FKBP5: variants seen among roughly 807,000 people sequenced by gnomAD.
The protein encoded by FKBP5 is FKBP prolyl isomerase 5.
Under a neutral mutation model 50.5 loss-of-function variants are expected in FKBP5, and 23 were observed. The ratio of observed to expected loss-of-function variants is 0.46; its 90% CI spans 0.33 to 0.65. The LOEUF is 0.65. Among genes scored for constraint, FKBP5 ranks in the 30% least tolerant of loss-of-function variants. The probability of loss-of-function intolerance (pLI) is 0.02; values close to 1 mark genes in which losing one functional copy is unlikely to be tolerated. For missense variants in FKBP5, 411 were observed against 553.1 expected (o/e 0.74, Z 2.58); for synonymous variants, 176 against 190.6 (o/e 0.92, Z 0.63).
chr6:35,635,426 G>A (rs898650081), intron 3 of FKBP5, among the ~76,000 whole-genome samples: 2 of 152,128 alleles, frequency 1.3e-5, no homozygotes, highest in African/African-American at 2.4e-5. Flanking sequence ...GAGCCGGCCC[G>A]GGTGACAGAT....
At chr6:35,606,284 G>A (rs539182487) in intron 5 of FKBP5, among the ~76,000 whole-genome samples, 4 of 152,076 alleles carry the variant, frequency 2.6e-5, no homozygotes, top group East Asian at 1.9e-4. Flanking sequence ...AAAAAATGCC[G>A]AACATCACTA....
At chr6:35,593,005 ATAT>A (rs1208727714) in intron 6 of FKBP5, among the ~76,000 whole-genome samples, 1 of 152,302 alleles carries the variant, frequency 6.6e-6, no homozygotes, top group East Asian at 1.9e-4. Flanking sequence ...CTAAAGAAAA[ATAT>A]TATTTCTACA....
intron 9 of FKBP5, among the ~76,000 whole-genome samples, chr6:35,579,155 C>T (rs534848698): frequency 1.9e-4 from 28 of 148,490 alleles, no homozygotes; most frequent in African/African-American, 5.2e-4. Context: ...CACACGCGCG[C>T]GCGCACACAC....
At chr6:35,699,624 C>A (rs1032776150) in intron 2 of FKBP5, among the ~76,000 whole-genome samples, 1 of 152,208 alleles carries the variant, frequency 6.6e-6, no homozygotes, top group African/African-American at 2.4e-5. Context: ...AAGCCAAGTA[C>A]GAATGAGGCT....
At position 35,620,222 on chromosome 6, in the gene FKBP5, C is replaced by A. The variant is rs868830325; in HGVS notation, c.303G>T (p.Glu101Asp). The change falls in exon 4 of 11, where the codon GAG becomes GAT. Residue 101 changes from glutamate (E) to aspartate (D), a missense_variant. Around this residue, in one of 3 missense-constraint regions of FKBP5, gnomAD observed 267 missense variants for 405.9 expected, o/e 0.66. Coordinates refer to ENST00000357266, the MANE Select transcript of FKBP5 (RefSeq NM_004117.4). ...CTGGTTTGCACAGTAAATGGCATAT[C>A]TCTCCTTTCTTCATGGTAGCCACCC... Reference protein sequence around the residue: ...DIGVATMKKGEICHLLCKPEY... With the variant: ...DIGVATMKKGDICHLLCKPEY... 1.2e-5 allele frequency: 19 copies of A among 1,614,166 alleles called. No individual in the cohort carries two copies. The highest frequency in any genetic ancestry group is 1.6e-5 in the Non-Finnish European group (19 of 1,180,018).
chr6:35,603,835 A>G (rs1763223545), intron 5 of FKBP5, among the ~76,000 whole-genome samples: 1 of 152,074 alleles, frequency 6.6e-6, no homozygotes, highest in Non-Finnish European at 1.5e-5. Context: ...ACTCCCAAGT[A>G]GCTGGGACTA....
intron 2 of FKBP5, among the ~76,000 whole-genome samples, chr6:35,705,503 G>T (rs1766292232): frequency 6.6e-6 from 1 of 151,466 alleles, no homozygotes; most frequent in Non-Finnish European, 1.5e-5. Flanking sequence ...CTGACCTCAT[G>T]ATCTGCCCAC....
intron 5 of FKBP5, among the ~76,000 whole-genome samples, chr6:35,603,629 T>A (rs1172099096): frequency 1.0e-5 from 1 of 99,492 alleles, no homozygotes; most frequent in African/African-American, 4.5e-5. Context: ...AAATGGCCAA[T>A]TGGCTGGAAT....
chr6:35,607,726 G>T, intron 5 of FKBP5: 2 of 176,128 alleles, frequency 1.1e-5, no homozygotes, highest in South Asian at 3.0e-4. Flanking sequence ...GCAGGCACCT[G>T]ACCAAATATA....
At chr6:35,676,597 T>C (rs968419846) in intron 1 of FKBP5, among the ~76,000 whole-genome samples, 2 of 152,256 alleles carry the variant, frequency 1.3e-5, no homozygotes, top group African/African-American at 4.8e-5. Flanking sequence ...TTTCCACCCT[T>C]AATAATCATT....
chr6:35,603,442 ATATT>A (rs1763207177), intron 5 of FKBP5, among the ~76,000 whole-genome samples: 1 of 152,212 alleles, frequency 6.6e-6, no homozygotes, highest in Non-Finnish European at 1.5e-5. Flanking sequence ...CAGCAAGTAA[ATATT>A]TATTTAATGA....
intron 6 of FKBP5, among the ~76,000 whole-genome samples, chr6:35,592,470 T>TAAA (rs1272347861): frequency 1.3e-5 from 2 of 152,226 alleles, no homozygotes; most frequent in African/African-American, 4.8e-5. Flanking sequence ...CACAAAGACA[T>TAAA]AATTACCAGT....
chr6:35,657,658 A>G (rs549732666), intron 1 of FKBP5, among the ~76,000 whole-genome samples: 1 of 152,250 alleles, frequency 6.6e-6, no homozygotes, highest in East Asian at 1.9e-4. Flanking sequence ...CATATTTACA[A>G]GTTCCATTTT....
intron 1 of FKBP5, among the ~76,000 whole-genome samples, chr6:35,682,149 A>G (rs1177095639): frequency 3.9e-5 from 6 of 152,230 alleles, no homozygotes; most frequent in African/African-American, 1.4e-4. Context: ...ACCATCCACT[A>G]GGTAATAATT....
chr6:35,682,270 A>G (rs1765688347), intron 1 of FKBP5, among the ~76,000 whole-genome samples: 1 of 152,216 alleles, frequency 6.6e-6, no homozygotes, highest in African/African-American at 2.4e-5. Flanking sequence ...TTAATATCTA[A>G]CATGGGTAAA....
At chr6:35,716,568 G>A (rs1766515662) in intron 2 of FKBP5, among the ~76,000 whole-genome samples, 1 of 152,030 alleles carries the variant, frequency 6.6e-6, no homozygotes, top group Non-Finnish European at 1.5e-5. Context: ...CAGTTACCGT[G>A]TCTTATGATT....
intron 5 of FKBP5, among the ~76,000 whole-genome samples, chr6:35,600,979 CA>C (rs34133476): frequency 6.0e-5 from 9 of 151,238 alleles, no homozygotes; most frequent in African/African-American, 9.7e-5. Flanking sequence ...GTAACCATGC[CA>C]AAAAAAAGTC....
chr6:35,701,760 C>T (rs2087276677), intron 2 of FKBP5, among the ~76,000 whole-genome samples: 1 of 151,914 alleles, frequency 6.6e-6, no homozygotes, highest in Admixed American at 6.6e-5. Context: ...AGGCTGGTCT[C>T]GAACTCCTGG....
intron 2 of FKBP5, among the ~76,000 whole-genome samples, chr6:35,698,242 T>C (rs1161567544): frequency 6.6e-6 from 1 of 152,170 alleles, no homozygotes; most frequent in Admixed American, 6.5e-5. Context: ...CTCGGGAGGC[T>C]GAGGCAGGAG....
Sources: allele counts gnomAD v4.1 joint callset (sites outside exome capture counted in the v4.1 genomes callset), GRCh38; gene constraint gnomAD v4.1.1; regional missense constraint gnomAD v4.1.1; transcripts MANE v1.5; gene names NCBI Gene and HGNC (gene_info 2026-07-23, HGNC 2026-07-21).